Variants in KCNJ3 observed in about 807,000 individuals in gnomAD.
KCNJ3 encodes the protein G protein-activated inward rectifier potassium channel 1.
KCNJ3 carries 4 observed loss-of-function variants against 39.2 expected under a neutral mutation model. The observed-to-expected ratio is 0.10, with a 90% CI of 0.05 to 0.23. The LOEUF (loss-of-function observed/expected upper bound fraction) is 0.23. Among genes scored for constraint, KCNJ3 ranks in the 10% least tolerant of loss-of-function variants. The pLI, the probability that KCNJ3 is intolerant of heterozygous loss-of-function variation, is 1.00. For synonymous variants in KCNJ3, 230 were observed against 237.4 expected, an observed-to-expected ratio of 0.97 and a Z score of 0.29; for missense variants, 276 against 634.9, an observed-to-expected ratio of 0.43 and a Z score of 6.08.
At chr2:154,841,507 G>A (rs1268550755) in intron 2 of KCNJ3, among the ~76,000 whole-genome samples, 4 of 152,166 alleles carry the variant, frequency 2.6e-5, no homozygotes, top group African/African-American at 7.2e-5. Context: ...AAAAGGAATG[G>A]TATCAGCTCG....
At chr2:154,809,646 CCATTGTCTGTTTGTGAACTTGAAA>C (rs1205045458) in intron 2 of KCNJ3, among the ~76,000 whole-genome samples, 1 of 152,128 alleles carries the variant, frequency 6.6e-6, no homozygotes, top group African/African-American at 2.4e-5. Context: ...GCAGAAAGGT[CCATTGTCTGTTTGTGAACTTGAAA>C]CAAAAACTTA....
At chr2:154,741,250 A>G (rs1383554636) in intron 2 of KCNJ3, among the ~76,000 whole-genome samples, 5 of 151,974 alleles carry the variant, frequency 3.3e-5, no homozygotes, top group Admixed American at 3.3e-4. Context: ...TTAATGGTGC[A>G]TCTGAGATAT....
At chr2:154,840,637 G>A (rs1465882547) in intron 2 of KCNJ3, among the ~76,000 whole-genome samples, 2 of 152,126 alleles carry the variant, frequency 1.3e-5, no homozygotes, top group Non-Finnish European at 2.9e-5. Flanking sequence ...AGTTCTCCTT[G>A]AAGAGGTCCT....
chr2:154,699,195 G>C lies in KCNJ3; in HGVS notation c.420G>C (p.Thr140=), dbSNP rs776683199. The C allele has an allele frequency of 3.1e-6, 5 of 1,614,066 alleles. No homozygotes were observed. In the Admixed American group the frequency reaches 8.3e-5, roughly 27 times the overall value. Residue 140 remains threonine (T), a synonymous_variant, in exon 1 of 3, where the codon ACG becomes ACC. Coordinates refer to ENST00000295101, the MANE Select transcript of KCNJ3 (RefSeq NM_002239.4). The surrounding 1 kb of genome is among the most constrained non-coding windows in gnomAD (Gnocchi z 6.4). ...CTGCCTTCCTCTTCTTCATCGAGACGGAGGCCACCATCGGCTATGGCTACC... is the reference window on the plus strand; with the variant it reads ...CTGCCTTCCTCTTCTTCATCGAGACCGAGGCCACCATCGGCTATGGCTACC... ...FPSAFLFFIE[T]EATIGYGYRY...
intron 2 of KCNJ3, among the ~76,000 whole-genome samples, chr2:154,758,622 C>T (rs547313691): frequency 6.6e-6 from 1 of 152,248 alleles, no homozygotes; most frequent in African/African-American, 2.4e-5. Flanking sequence ...TATTTTCAAT[C>T]CCTAGTTGGT....
At chr2:154,766,692 A>G (rs1223880230) in intron 2 of KCNJ3, among the ~76,000 whole-genome samples, 2 of 152,052 alleles carry the variant, frequency 1.3e-5, no homozygotes, top group Admixed American at 1.3e-4. Flanking sequence ...AGTAGCTGGG[A>G]CTACAGGCAC....
chr2:154,792,643 G>A (rs1686654216), intron 2 of KCNJ3, among the ~76,000 whole-genome samples: 2 of 152,130 alleles, frequency 1.3e-5, no homozygotes, highest in African/African-American at 4.8e-5. Flanking sequence ...ACTAGTATGT[G>A]ATTGTGTTTG....
At chr2:154,762,477 A>C (rs968015128) in intron 2 of KCNJ3, among the ~76,000 whole-genome samples, 1 of 152,196 alleles carries the variant, frequency 6.6e-6, no homozygotes, top group African/African-American at 2.4e-5. Flanking sequence ...GCTGAATATA[A>C]GGGAGGTAGC....
chr2:154,771,802 T>C (rs1686246613), intron 2 of KCNJ3, among the ~76,000 whole-genome samples: 1 of 152,244 alleles, frequency 6.6e-6, no homozygotes, highest in Non-Finnish European at 1.5e-5. Context: ...TACCTTAGAT[T>C]GGGGTCATGG....
intron 2 of KCNJ3, among the ~76,000 whole-genome samples, chr2:154,711,110 A>C (rs1685095868): frequency 6.6e-6 from 1 of 152,094 alleles, no homozygotes; most frequent in South Asian, 2.1e-4. Flanking sequence ...TCTATATATG[A>C]AATTTTATTT....
chr2:154,842,915 T>C (rs543477291), intron 2 of KCNJ3, among the ~76,000 whole-genome samples: 2 of 152,210 alleles, frequency 1.3e-5, no homozygotes, highest in Admixed American at 6.5e-5. Flanking sequence ...TATCTTTTAA[T>C]TGGAACATTT....
intron 2 of KCNJ3, among the ~76,000 whole-genome samples, chr2:154,761,659 T>C (rs1007373092): frequency 2.6e-5 from 4 of 152,248 alleles, no homozygotes; most frequent in Non-Finnish European, 5.9e-5. Flanking sequence ...TTTTTTGACT[T>C]TATTCCATTT....
chr2:154,724,779 A>G (rs1384654389), intron 2 of KCNJ3, among the ~76,000 whole-genome samples: 1 of 150,768 alleles, frequency 6.6e-6, no homozygotes, highest in Admixed American at 6.6e-5. Flanking sequence ...CTATACTACT[A>G]TTATACCTGT....
rs148928677 is a variant in KCNJ3, at chr2:154,708,432, A to G, written c.703-1171A>G. On this transcript the variant is annotated intron_variant, in intron 1 of 2. Coordinates refer to ENST00000295101, the MANE Select transcript of KCNJ3 (RefSeq NM_002239.4). ...CTGAGAGTAAGAATTTTGTCTTCAA[A>G]CTATCACTTCATTGGGCAGACCAGT... 4.5e-3 allele frequency among the ~76,000 whole-genome samples: 690 copies of G among 152,224 alleles called. 5 individuals carry two copies. The highest frequency in any genetic ancestry group is 8.1e-3 in the Non-Finnish European group (548 of 68,002).
chr2:154,810,748 A>G (rs1042363565), intron 2 of KCNJ3, among the ~76,000 whole-genome samples: 2 of 152,206 alleles, frequency 1.3e-5, no homozygotes, highest in African/African-American at 4.8e-5. Context: ...ATTAGCTAGA[A>G]ATATAATTGA....
intron 2 of KCNJ3, among the ~76,000 whole-genome samples, chr2:154,743,891 G>T (rs1438619601): frequency 6.6e-6 from 1 of 151,392 alleles, no homozygotes; most frequent in East Asian, 1.9e-4. Context: ...AAGAGTGATA[G>T]ATGTGGACAT....
At chr2:154,845,010 A>T (rs1687642429) in intron 2 of KCNJ3, among the ~76,000 whole-genome samples, 1 of 152,230 alleles carries the variant, frequency 6.6e-6, no homozygotes, top group Non-Finnish European at 1.5e-5. Flanking sequence ...TTGGAAATGC[A>T]GAAATCACCT....
At chr2:154,718,609 T>C (rs911209121) in intron 2 of KCNJ3, among the ~76,000 whole-genome samples, 6 of 152,208 alleles carry the variant, frequency 3.9e-5, no homozygotes, top group African/African-American at 1.4e-4. Context: ...GATAGTGAAA[T>C]GTCTTTTTGC....
At chr2:154,761,351 C>G (rs543975042) in intron 2 of KCNJ3, among the ~76,000 whole-genome samples, 3 of 152,196 alleles carry the variant, frequency 2.0e-5, no homozygotes, top group Admixed American at 2.0e-4. Flanking sequence ...ATGCCTATAT[C>G]AATCCCTACT....
Sources: allele counts gnomAD v4.1 joint callset (sites outside exome capture counted in the v4.1 genomes callset), GRCh38; gene constraint gnomAD v4.1.1; non-coding constraint Gnocchi (gnomAD v3.1); transcripts MANE v1.5; gene names NCBI Gene and HGNC (gene_info 2026-07-23, HGNC 2026-07-21).